ADD2: variants seen among roughly 807,000 people sequenced by gnomAD.
ADD2 encodes adducin 2.
In ADD2, 23 loss-of-function variants were observed where a neutral mutation model predicts 83.0. That is an observed-to-expected ratio of 0.28 (90% CI 0.20 to 0.39). The LOEUF is 0.39. Among genes scored for constraint, ADD2 ranks in the 10% least tolerant of loss-of-function variants. The probability of loss-of-function intolerance (pLI) is 1.00; values close to 1 mark genes in which losing one functional copy is unlikely to be tolerated. For missense variants in ADD2, 758 were observed against 944.9 expected, an observed-to-expected ratio of 0.80 and a Z score of 2.59; for synonymous variants, 375 against 375.4, an observed-to-expected ratio of 1.00 and a Z score of 0.01.
intron 13 of ADD2, chr2:70,675,475 C>T (rs995057411): frequency 1.2e-5 from 12 of 985,316 alleles, no homozygotes; most frequent in Non-Finnish European, 1.4e-5. Context: ...CTGTGGAGCC[C>T]GTGGTTCTAG....
chr2:70,706,251 C>T lies in ADD2; in HGVS notation c.158G>A (p.Arg53His), dbSNP rs1558546880. Reference sequence around the variant, plus strand: ...GGGACTCTGCAGGATCATGGTGACGCGCTTCTTCTGCTCCATCAGGTTGAA... The same window carrying T: ...GGGACTCTGCAGGATCATGGTGACGTGCTTCTTCTGCTCCATCAGGTTGAA... ...QDFNLMEQKKRVTMILQSPSF... is the reference protein window; with the variant it reads ...QDFNLMEQKKHVTMILQSPSF... Residue 53 changes from arginine (R) to histidine (H), a missense_variant, in exon 3 of 16, where the codon CGC (arginine) becomes CAC (histidine). Transcript: ENST00000264436. The surrounding 1 kb of genome is among the most constrained non-coding windows in gnomAD (Gnocchi z 5.0). 1.2e-6 allele frequency: 2 copies of T among 1,614,052 alleles called. No individual in the cohort carries two copies. The highest frequency in any genetic ancestry group is 1.7e-4 in the Middle Eastern group (1 of 6,052).
chr2:70,747,366 G>A lies in ADD2; in HGVS notation c.-154+20520C>T, dbSNP rs368294409. On this transcript the variant is annotated intron_variant, in intron 1 of 15. Coordinates refer to ENST00000264436, the MANE Select transcript of ADD2 (RefSeq NM_001617.4). The stretch of plus-strand genomic sequence containing the variant: ...CTGAACCTCAAGATTACAATCCAGA[G>A]CTGTATGGTAAGTGCTCTCCCATCA... Among the ~76,000 whole-genome samples, 157 of 151,964 alleles carry A rather than the reference G, an allele frequency of 1.0e-3. 5 individuals are homozygous for A. In the South Asian group the frequency reaches 0.032, roughly 31 times the overall value.
chr2:70,761,591 GAAAAAAAAAA>G (rs78804683), intron 1 of ADD2, among the ~76,000 whole-genome samples: 1 of 39,870 alleles, frequency 2.5e-5, no homozygotes, highest in Non-Finnish European at 5.5e-5. Context: ...CTGGGTGACA[GAAAAAAAAAA>G]AAAAAAAAGG....
rs115263192 is a variant in ADD2 at position 70,755,056 on chromosome 2, T to G, written c.-154+12830A>C. Among the ~76,000 whole-genome samples the G allele has an allele frequency of 6.3e-3, 963 of 152,278 alleles. 4 individuals carry two copies. Among genetic ancestry groups the G allele is most frequent in the East Asian group, 0.037 (191 of 5,178 alleles). The stretch of plus-strand genomic sequence containing the variant: ...CCCTTAGTTAAACCCTATGTGACCT[T>G]GCCCCTGCCTGCATCTGGGCCATTG... On this transcript the variant is annotated intron_variant, in intron 1 of 15. Transcript: ENST00000264436.
At chr2:70,727,599 T>C (rs1245726528) in intron 1 of ADD2, among the ~76,000 whole-genome samples, 1 of 152,106 alleles carries the variant, frequency 6.6e-6, no homozygotes, top group Non-Finnish European at 1.5e-5. Context: ...CTTGGGTCTT[T>C]AGAATGCAGA....
intron 12 of ADD2, 94 bp downstream of exon 12, chr2:70,677,664 G>A (rs782468884): frequency 3.0e-5 from 45 of 1,510,196 alleles, no homozygotes; most frequent in Non-Finnish European, 4.0e-5. Flanking sequence ...ATGTCAGCGA[G>A]TCAGGCACAT....
At chr2:70,691,321 C>T (rs1553371616) in intron 7 of ADD2, among the ~76,000 whole-genome samples, 14 of 152,154 alleles carry the variant, frequency 9.2e-5, no homozygotes, top group Non-Finnish European at 5.9e-5. Context: ...TAAGCAGAGT[C>T]CAGATCTCTT....
intron 2 of ADD2, among the ~76,000 whole-genome samples, chr2:70,712,456 T>A (rs71414835): frequency 0.031 from 1,991 of 64,366 alleles, 25 homozygotes; most frequent in African/African-American, 0.048. Context: ...AAAAAATAAA[T>A]AAATAAAAAA....
intron 14 of ADD2, among the ~76,000 whole-genome samples, chr2:70,673,971 T>C (rs192340096): frequency 3.9e-5 from 6 of 152,294 alleles, no homozygotes; most frequent in Non-Finnish European, 8.8e-5. Flanking sequence ...AAGAAGACCC[T>C]GCCTTGAGGG....
At chr2:70,722,794 A>G (rs1283995492) in intron 1 of ADD2, among the ~76,000 whole-genome samples, 2 of 152,234 alleles carry the variant, frequency 1.3e-5, no homozygotes, top group Non-Finnish European at 2.9e-5. Context: ...AGGCAACAAG[A>G]TGAGATAAAA....
chr2:70,670,651 T>C (rs1553366908), intron 15 of ADD2, among the ~76,000 whole-genome samples: 1 of 152,108 alleles, frequency 6.6e-6, no homozygotes, highest in Non-Finnish European at 1.5e-5. Flanking sequence ...ATTGAGGACA[T>C]GGTGGCAAAT....
chr2:70,668,945 G>A (rs1669789014), intron 15 of ADD2, among the ~76,000 whole-genome samples: 1 of 152,206 alleles, frequency 6.6e-6, no homozygotes, highest in South Asian at 2.1e-4. Flanking sequence ...CAAATGCAAG[G>A]AGAACTGGTC....
At chr2:70,701,007 T>C (rs1671556665) in intron 4 of ADD2, among the ~76,000 whole-genome samples, 1 of 152,004 alleles carries the variant, frequency 6.6e-6, no homozygotes, top group Admixed American at 6.5e-5. Context: ...CCTATCTTAT[T>C]TAAACTATAT....
chr2:70,695,652 G>C (rs1166645595), intron 6 of ADD2, 69 bp downstream of exon 6: 2 of 1,442,886 alleles, frequency 1.4e-6, no homozygotes, highest in African/African-American at 2.8e-5. Context: ...AGATGACCTA[G>C]CACTGTGGGA....
chr2:70,701,785 CAA>C (rs1671598692), intron 4 of ADD2, among the ~76,000 whole-genome samples: 1 of 151,810 alleles, frequency 6.6e-6, no homozygotes, highest in Non-Finnish European at 1.5e-5. Flanking sequence ...CTTAAAATAA[CAA>C]AGTTATTTAA....
At chr2:70,737,338 A>G (rs1482532345) in intron 1 of ADD2, among the ~76,000 whole-genome samples, 8 of 152,222 alleles carry the variant, frequency 5.3e-5, no homozygotes, top group African/African-American at 1.4e-4. Context: ...ATGTCCATCA[A>G]TGATAGACTG....
intron 1 of ADD2, among the ~76,000 whole-genome samples, chr2:70,713,650 T>C (rs1157147720): frequency 2.6e-5 from 4 of 152,098 alleles, no homozygotes; most frequent in African/African-American, 9.7e-5. Context: ...ATCTTTACAA[T>C]TGGGATCAAA....
intron 4 of ADD2, among the ~76,000 whole-genome samples, chr2:70,701,452 GAA>G (rs1420825817): frequency 6.6e-6 from 1 of 152,072 alleles, no homozygotes; most frequent in Non-Finnish European, 1.5e-5. Context: ...ATTAAAGTCA[GAA>G]ATAAGACAAG....
At chr2:70,707,153 G>A (rs1369404248) in intron 2 of ADD2, among the ~76,000 whole-genome samples, 4 of 152,164 alleles carry the variant, frequency 2.6e-5, no homozygotes, top group African/African-American at 9.7e-5. Context: ...TCTGGCCCCT[G>A]GAAAGGAATT....
Sources: allele counts gnomAD v4.1 joint callset (sites outside exome capture counted in the v4.1 genomes callset), GRCh38; gene constraint gnomAD v4.1.1; non-coding constraint Gnocchi (gnomAD v3.1); transcripts MANE v1.5; gene names NCBI Gene and HGNC (gene_info 2026-07-23, HGNC 2026-07-21).